Variants in FANCC observed in about 807,000 individuals in gnomAD.
FANCC encodes Fanconi anemia group C protein.
Under a neutral mutation model 71.3 loss-of-function variants are expected in FANCC, and 55 were observed. The observed-to-expected ratio is 0.77, with a 90% confidence interval of 0.62 to 0.97. The LOEUF is 0.97. FANCC is among the 50% of genes least tolerant of loss of function. The pLI, the probability that FANCC is intolerant of heterozygous loss-of-function variation, is 0.00. For missense variants in FANCC, 678 were observed against 670.9 expected, an observed-to-expected ratio of 1.01 and a Z score of -0.12; for synonymous variants, 275 against 244.9, an observed-to-expected ratio of 1.12 and a Z score of -1.15.
intron 1 of FANCC, among the ~76,000 whole-genome samples, chr9:95,312,918 TGGTA>T (rs1312818176): frequency 6.6e-6 from 1 of 152,160 alleles, no homozygotes; most frequent in Middle Eastern, 3.2e-3. Flanking sequence ...AAACCACCTT[TGGTA>T]ACTTGCCAGA....
intron 7 of FANCC, among the ~76,000 whole-genome samples, chr9:95,141,557 G>A (rs976215963): frequency 1.3e-5 from 2 of 151,748 alleles, no homozygotes; most frequent in African/African-American, 2.4e-5. Flanking sequence ...ATTGTAGGTC[G>A]GCCCTTTCTT....
At chr9:95,167,412 T>C (rs1206402372) in intron 6 of FANCC, among the ~76,000 whole-genome samples, 1 of 152,236 alleles carries the variant, frequency 6.6e-6, no homozygotes, top group African/African-American at 2.4e-5. Flanking sequence ...CCCCTTTCTC[T>C]CTTATTCTAG....
intron 4 of FANCC, among the ~76,000 whole-genome samples, chr9:95,235,039 C>T (rs1830221877): frequency 6.6e-6 from 1 of 152,172 alleles, no homozygotes; most frequent in African/African-American, 2.4e-5. Context: ...CCCAAGACAC[C>T]CTCACAGAAA....
At chr9:95,155,710 ATCT>A (rs1449633567) in intron 6 of FANCC, among the ~76,000 whole-genome samples, 2 of 151,754 alleles carry the variant, frequency 1.3e-5, no homozygotes. Context: ...AGCTGAAACA[ATCT>A]TCTTTTCTCT....
chr9:95,311,233 C>CAAAAAA (rs10710492), intron 1 of FANCC, among the ~76,000 whole-genome samples: 1 of 76,030 alleles, frequency 1.3e-5, no homozygotes, highest in African/African-American at 5.1e-5. Context: ...GATTCCGTCT[C>CAAAAAA]AAAAAAAAAA....
intron 4 of FANCC, among the ~76,000 whole-genome samples, chr9:95,225,790 T>C (rs142875602): frequency 6.6e-6 from 1 of 152,276 alleles, no homozygotes; most frequent in African/African-American, 2.4e-5. Context: ...AATTAAAACC[T>C]ACCTAGGAAT....
intron 8 of FANCC, among the ~76,000 whole-genome samples, chr9:95,130,076 AAGGGAG>A (rs1188221551): frequency 6.6e-6 from 1 of 152,216 alleles, no homozygotes; most frequent in Non-Finnish European, 1.5e-5. Context: ...GAAGAGAGGC[AAGGGAG>A]AGGCCAACTT....
At chr9:95,306,496 T>G (rs1016995914) in intron 1 of FANCC, among the ~76,000 whole-genome samples, 1 of 152,200 alleles carries the variant, frequency 6.6e-6, no homozygotes, top group African/African-American at 2.4e-5. Flanking sequence ...TCAGCCCCCC[T>G]TGGACATCGA....
rs547834509 is a variant in FANCC, at chr9:95,289,211, A to AT, written c.-79+28314dup. Among the ~76,000 whole-genome samples the AT allele has an allele frequency of 8.0e-4, 122 of 152,232 alleles. 1 individual carries two copies. The South Asian group carries it at 0.025, about 31-fold the overall frequency. On this transcript the variant is annotated intron_variant, in intron 1 of 14. Transcript: ENST00000289081. ...TACTACATAAGGTTCAGACTTAAAA[A>AT]TTTTTTTCTGAACTTTTAAAATACC...
chr9:95,185,428 A>G (rs1826652506), intron 4 of FANCC, among the ~76,000 whole-genome samples: 1 of 152,236 alleles, frequency 6.6e-6, no homozygotes, highest in Admixed American at 6.5e-5. Context: ...AGTAATAATG[A>G]ATGGTTGGAC....
At chr9:95,310,218 T>C (rs1380051262) in intron 1 of FANCC, among the ~76,000 whole-genome samples, 1 of 152,154 alleles carries the variant, frequency 6.6e-6, no homozygotes, top group Admixed American at 6.5e-5. Flanking sequence ...TGATAATTAA[T>C]TAGCCAGACA....
chr9:95,107,173 C>T lies in FANCC; in HGVS notation c.1426G>A (p.Asp476Asn). 1 of 1,614,210 alleles carries T rather than the reference C, an allele frequency of 6.2e-7. No individual in the cohort carries two copies. The change falls in exon 14 of 15, where the codon GAC becomes AAC. Residue 476 changes from aspartate to asparagine, a missense_variant. By Grantham distance (23) the Asp-to-Asn change is conservative. Coordinates refer to ENST00000289081, the MANE Select transcript of FANCC (RefSeq NM_000136.3). ...DLQTVAGQGT[D>N]TDLRAPAQQL... ...TGTGCAGGAGCTCTGAGGTCTGTGT[C>T]TGTGCCCTGTCCTGCTACCGTCTGC...
chr9:95,116,542 G>A (rs917052753), intron 11 of FANCC, among the ~76,000 whole-genome samples: 1 of 152,232 alleles, frequency 6.6e-6, no homozygotes, highest in African/African-American at 2.4e-5. Flanking sequence ...AAGGAAATGT[G>A]ACTGGCTCGT....
intron 3 of FANCC, among the ~76,000 whole-genome samples, chr9:95,246,160 G>A (rs1430586392): frequency 1.3e-5 from 2 of 152,134 alleles, no homozygotes; most frequent in African/African-American, 2.4e-5. Context: ...GGTCCTGGTG[G>A]GCAAACACAT....
chr9:95,162,539 C>G (rs1028845472), intron 6 of FANCC, among the ~76,000 whole-genome samples: 7 of 152,134 alleles, frequency 4.6e-5, no homozygotes, highest in African/African-American at 1.7e-4. Flanking sequence ...ATACTGTTTT[C>G]CATAGTGACT....
intron 1 of FANCC, among the ~76,000 whole-genome samples, chr9:95,257,989 G>A (rs1831778618): frequency 6.6e-6 from 1 of 152,124 alleles, no homozygotes; most frequent in African/African-American, 2.4e-5. Flanking sequence ...GACTAAACCA[G>A]GAAGAAGTTG....
At chr9:95,255,058 A>G (rs1175223377) in intron 1 of FANCC, among the ~76,000 whole-genome samples, 2 of 152,172 alleles carry the variant, frequency 1.3e-5, no homozygotes, top group Non-Finnish European at 2.9e-5. Flanking sequence ...AGCCCCAGTC[A>G]GTAGCTTATA....
Position 95,126,520 on chromosome 9 carries a change from A to G in FANCC, c.896+9T>C, listed in dbSNP as rs1352479236. 1 of 1,613,442 alleles carries G rather than the reference A, an allele frequency of 6.2e-7. No individual in the cohort carries two copies. Among genetic ancestry groups the G allele is most frequent in the Non-Finnish European group, 8.5e-7 (1 of 1,179,364 alleles). ...CATCAATTACTAGAAGAAACAGTGT[A>G]ACGTTTACCTGAACATCTCATCAAC... is the stretch of plus-strand genomic sequence containing the variant. On this transcript the variant is annotated intron_variant, in intron 9 of 14. Coordinates refer to ENST00000289081, the MANE Select transcript of FANCC (RefSeq NM_000136.3).
At chr9:95,154,767 T>G (rs1830364360) in intron 6 of FANCC, among the ~76,000 whole-genome samples, 1 of 152,138 alleles carries the variant, frequency 6.6e-6, no homozygotes, top group African/African-American at 2.4e-5. Context: ...TAATTGAAAC[T>G]TTTTCTTAAA....
Sources: gnomAD v4.1 joint callset for allele counts (sites outside exome capture counted in the v4.1 genomes callset) on GRCh38, gnomAD v4.1.1 for gene constraint, MANE v1.5 for transcripts, NCBI Gene and HGNC (gene_info 2026-07-23, HGNC 2026-07-21) for gene names.